Variants in GSK3B observed in about 807,000 individuals in gnomAD.
GSK3B encodes glycogen synthase kinase 3 beta.
GSK3B carries 15 observed loss-of-function variants against 56.4 expected under a neutral mutation model. The ratio of observed to expected loss-of-function variants is 0.27; its 90% CI spans 0.18 to 0.41. The LOEUF (loss-of-function observed/expected upper bound fraction) is 0.41. Among genes scored for constraint, GSK3B ranks in the 10% least tolerant of loss-of-function variants. GSK3B has a pLI of 1.00. For synonymous variants in GSK3B, 181 were observed against 188.9 expected (o/e 0.96, Z 0.34); for missense variants, 300 against 513.4 (o/e 0.58, Z 4.02).
chr3:120,090,379 T>C (rs934932634), intron 1 of GSK3B, among the ~76,000 whole-genome samples: 3 of 152,160 alleles, frequency 2.0e-5, no homozygotes, highest in African/African-American at 7.2e-5. Context: ...TCATTGCCAG[T>C]AACTAACTGC....
At chr3:119,875,520 C>T (rs2108047850) in intron 8 of GSK3B, among the ~76,000 whole-genome samples, 1 of 150,330 alleles carries the variant, frequency 6.7e-6, no homozygotes, top group East Asian at 1.9e-4. Flanking sequence ...CACACACACA[C>T]ACACACACAC....
At chr3:120,030,853 A>G (rs1010738662) in intron 1 of GSK3B, among the ~76,000 whole-genome samples, 2 of 152,240 alleles carry the variant, frequency 1.3e-5, no homozygotes, top group African/African-American at 4.8e-5. Context: ...TAGTCAAGCT[A>G]TATCTTCTGT....
intron 7 of GSK3B, among the ~76,000 whole-genome samples, chr3:119,892,754 T>C (rs1398464214): frequency 1.3e-5 from 2 of 152,182 alleles, no homozygotes; most frequent in Non-Finnish European, 2.9e-5. Context: ...AATGAAATTA[T>C]ATAACACAAC....
intron 2 of GSK3B, among the ~76,000 whole-genome samples, chr3:119,994,114 G>A (rs1020257456): frequency 1.3e-5 from 2 of 152,042 alleles, no homozygotes; most frequent in Non-Finnish European, 2.9e-5. Context: ...CGCCCGCCTC[G>A]GCCGCCCTAA....
At chr3:119,874,000 A>C (rs898352111) in intron 8 of GSK3B, among the ~76,000 whole-genome samples, 1 of 152,174 alleles carries the variant, frequency 6.6e-6, no homozygotes, top group Non-Finnish European at 1.5e-5. Context: ...TAGACGATTC[A>C]AGTTTGAAAA....
chr3:119,913,710 G>A (rs568758359), intron 5 of GSK3B, among the ~76,000 whole-genome samples: 98 of 151,358 alleles, frequency 6.5e-4, no homozygotes, highest in African/African-American at 2.3e-3. Flanking sequence ...ACAGATGAAA[G>A]TAGTCACAAG....
intron 1 of GSK3B, among the ~76,000 whole-genome samples, chr3:120,058,267 TAAC>T (rs1166258381): frequency 1.3e-5 from 2 of 152,156 alleles, no homozygotes; most frequent in African/African-American, 2.4e-5. Context: ...ATATTTTATT[TAAC>T]TACTATGTAA....
chr3:119,867,815 G>A (rs374334002), intron 8 of GSK3B, among the ~76,000 whole-genome samples: 2 of 152,090 alleles, frequency 1.3e-5, no homozygotes, highest in South Asian at 2.1e-4. Context: ...TAAATAATCC[G>A]CGGATTACTT....
At chr3:119,940,852 G>A (rs780216591) in intron 3 of GSK3B, among the ~76,000 whole-genome samples, 2 of 152,092 alleles carry the variant, frequency 1.3e-5, no homozygotes, top group African/African-American at 2.4e-5. Context: ...GGCAGGTCAC[G>A]TCACTTAACT....
intron 2 of GSK3B, among the ~76,000 whole-genome samples, chr3:119,990,523 A>G (rs548176431): frequency 2.4e-4 from 37 of 152,306 alleles, no homozygotes; most frequent in African/African-American, 7.9e-4. Context: ...TAAGACCAAA[A>G]TCTTCCTCTG....
At chr3:119,985,054 G>A (rs777485060) in intron 2 of GSK3B, among the ~76,000 whole-genome samples, 8 of 152,086 alleles carry the variant, frequency 5.3e-5, no homozygotes, top group South Asian at 2.1e-4. Context: ...ATCAACAAAC[G>A]TAATCCATCA....
At chr3:120,048,814 C>T (rs1375605185) in intron 1 of GSK3B, among the ~76,000 whole-genome samples, 1 of 152,152 alleles carries the variant, frequency 6.6e-6, no homozygotes, top group Admixed American at 6.5e-5. Flanking sequence ...AATAACAGTA[C>T]TTTTAGTATG....
chr3:120,048,885 G>A (rs2058124934), intron 1 of GSK3B, among the ~76,000 whole-genome samples: 1 of 152,034 alleles, frequency 6.6e-6, no homozygotes, highest in Admixed American at 6.6e-5. Context: ...ACTTATATTT[G>A]CACTACATAA....
At chr3:120,090,689 T>C (rs555183878) in intron 1 of GSK3B, among the ~76,000 whole-genome samples, 2 of 152,264 alleles carry the variant, frequency 1.3e-5, no homozygotes, top group South Asian at 4.1e-4. Flanking sequence ...CATACCCTAC[T>C]AGCTCCCTAA....
intron 10 of GSK3B, among the ~76,000 whole-genome samples, chr3:119,827,335 G>C (rs893150978): frequency 6.6e-6 from 1 of 152,182 alleles, no homozygotes; most frequent in African/African-American, 2.4e-5. Flanking sequence ...ATTATTCATA[G>C]AGATGGAAGA....
intron 2 of GSK3B, among the ~76,000 whole-genome samples, chr3:119,982,425 G>A (rs1559863124): frequency 1.3e-5 from 2 of 152,138 alleles, no homozygotes; most frequent in Non-Finnish European, 2.9e-5. Flanking sequence ...CCGAGTTAAA[G>A]GAGAATGTTC....
chr3:119,958,581 G>A (rs1175562277), intron 2 of GSK3B, among the ~76,000 whole-genome samples: 1 of 152,074 alleles, frequency 6.6e-6, no homozygotes, highest in Non-Finnish European at 1.5e-5. Context: ...GGGAGACTGA[G>A]GTGGGAGGAT....
chr3:120,055,769 A>AATAT (rs2058186877), intron 1 of GSK3B, among the ~76,000 whole-genome samples: 2 of 152,196 alleles, frequency 1.3e-5, no homozygotes, highest in African/African-American at 4.8e-5. Context: ...ATGAAAATGG[A>AATAT]TCTTTCAACA....
intron 7 of GSK3B, among the ~76,000 whole-genome samples, chr3:119,894,351 G>A (rs1309034432): frequency 6.6e-6 from 1 of 152,126 alleles, no homozygotes; most frequent in Admixed American, 6.6e-5. Flanking sequence ...CTTGTTCAAG[G>A]TTTGCATCAT....
Sources: allele counts gnomAD v4.1 joint callset (sites outside exome capture counted in the v4.1 genomes callset), GRCh38; gene constraint gnomAD v4.1.1; transcripts MANE v1.5; gene names NCBI Gene and HGNC (gene_info 2026-07-23, HGNC 2026-07-21).